PRKAR1A: variants seen among roughly 807,000 people sequenced by gnomAD.
PRKAR1A encodes cAMP-dependent protein kinase type I-alpha regulatory subunit.
Under a neutral mutation model 52.0 loss-of-function variants are expected in PRKAR1A, and 3 were observed. That is an observed-to-expected ratio of 0.06 (90% confidence interval 0.03 to 0.15). PRKAR1A has a LOEUF of 0.15. Among genes scored for constraint, PRKAR1A ranks in the 10% least tolerant of loss-of-function variants. The pLI is 1.00. For missense variants in PRKAR1A, 240 were observed against 477.4 expected (o/e 0.50, Z 4.63); for synonymous variants, 188 against 168.4 (o/e 1.12, Z -0.90).
the PRKAR1A span, among the ~76,000 whole-genome samples, chr17:68,504,591 GA>G: frequency 6.6e-6 from 1 of 152,168 alleles, no homozygotes; most frequent in Non-Finnish European, 1.5e-5. Flanking sequence ...GCCAAGCACA[GA>G]AAAACTTCAC....
chr17:68,550,389 T>C (rs943925631), intron 11 of PRKAR1A, among the ~76,000 whole-genome samples: 13 of 138,862 alleles, frequency 9.4e-5, no homozygotes, highest in Non-Finnish European at 1.8e-4. Context: ...TTTTTTTTTT[T>C]TTTTTTTAAG....
In PRKAR1A at chr17:68,532,329, A is replaced by G. The variant is rs2085999159; in HGVS notation, c.*1880A>G. ...TAAAATTGCAGTTTCATGTATGTAT[A>G]TAATCATGCTCATGTATATTTAGTT... On this transcript the variant is annotated 3_prime_UTR_variant, in exon 11 of 11. Coordinates refer to ENST00000589228, the MANE Select transcript of PRKAR1A (RefSeq NM_002734.5). The G allele has an allele frequency of 4.7e-6, 5 of 1,054,006 alleles. No homozygotes were observed. Among genetic ancestry groups the G allele is most frequent in the South Asian group, 4.6e-5 (1 of 21,698 alleles). The allele number at this position is 1,054,006 out of a possible 1,614,324, so 65.3% of individuals were successfully genotyped here. A position where few individuals can be genotyped will look rare whatever the true frequency, so the allele number is the denominator to read the frequency against.
rs2086010616 is a variant in PRKAR1A, at chr17:68,532,732, C to G, written c.*2283C>G. 1.9e-6 allele frequency: 2 copies of G among 1,065,968 alleles called. No individual in the cohort carries two copies. The highest frequency in any genetic ancestry group is 9.9e-5 in the East Asian group (2 of 20,104). The allele number at this position is 1,065,968 out of a possible 1,614,324, so 66.0% of individuals were successfully genotyped here. On this transcript the variant is annotated 3_prime_UTR_variant, in exon 11 of 11. Transcript: ENST00000589228. ...GTTATAGATTGTCTTAATGGTAGGT[C>G]AAGTAATAAAAAGAGATGAAATAAT... is the stretch of plus-strand genomic sequence containing the variant.
At chr17:68,457,612 T>C in the PRKAR1A span, 1 of 348,052 alleles carries the variant, frequency 2.9e-6, no homozygotes, top group Non-Finnish European at 4.5e-6. Context: ...GTCCCCGGCT[T>C]CGCCCCGCCC....
chr17:68,415,245 C>T, the PRKAR1A span, among the ~76,000 whole-genome samples: 5,230 of 152,138 alleles, frequency 0.034, 324 homozygotes, highest in African/African-American at 0.12. Flanking sequence ...GTTTGAAGAA[C>T]TTTTAAATTT....
chr17:68,537,167 C>T (rs1256837954), downstream of PRKAR1A: 2 of 551,706 alleles, frequency 3.6e-6, no homozygotes, highest in Non-Finnish European at 6.9e-6. The surrounding 1 kb of genome is among the most constrained non-coding windows in gnomAD (Gnocchi z 4.2). Context: ...TTAGTACTCT[C>T]CTGGGATCAA....
At chr17:68,424,673 T>A in the PRKAR1A span, 4 of 355,206 alleles carry the variant, frequency 1.1e-5, no homozygotes, top group Non-Finnish European at 2.2e-5. Flanking sequence ...GTCAGGAGTT[T>A]GAGACCAGCG....
chr17:68,413,722 G>A, the PRKAR1A span: 429 of 160,084 alleles, frequency 2.7e-3, no homozygotes, highest in African/African-American at 9.9e-3. Flanking sequence ...CCTCGCTGCC[G>A]CCTTGCAGTT....
upstream of PRKAR1A, among the ~76,000 whole-genome samples, chr17:68,511,067 A>G (rs2085257820): frequency 6.6e-6 from 1 of 152,214 alleles, no homozygotes; most frequent in Non-Finnish European, 1.5e-5. Context: ...TCTGGAATCA[A>G]TATAAACACT....
At chr17:68,445,881 G>A in the PRKAR1A span, among the ~76,000 whole-genome samples, 2 of 152,288 alleles carry the variant, frequency 1.3e-5, no homozygotes, top group East Asian at 3.9e-4. Context: ...GATGCCCAAG[G>A]AGCTGCCCAA....
chr17:68,444,572 T>C, the PRKAR1A span: 16 of 1,613,796 alleles, frequency 9.9e-6, no homozygotes, highest in Admixed American at 2.2e-4. Flanking sequence ...TGGACTCTTC[T>C]AGGCAAACCA....
chr17:68,475,621 G>A, the PRKAR1A span, among the ~76,000 whole-genome samples: 7 of 151,996 alleles, frequency 4.6e-5, no homozygotes, highest in Non-Finnish European at 8.8e-5. Context: ...GTGCCACCAC[G>A]CCTGGCTAAT....
chr17:68,438,745 C>T, the PRKAR1A span, among the ~76,000 whole-genome samples: 4 of 152,170 alleles, frequency 2.6e-5, no homozygotes, highest in African/African-American at 9.7e-5. Context: ...GGATTACAGG[C>T]GTGTGCCACC....
chr17:68,502,755 GAAA>G, the PRKAR1A span, among the ~76,000 whole-genome samples: 1 of 86,292 alleles, frequency 1.2e-5, no homozygotes, highest in Non-Finnish European at 2.3e-5. Flanking sequence ...TTCATCTCAG[GAAA>G]AAAAAAAAAA....
the PRKAR1A span, among the ~76,000 whole-genome samples, chr17:68,482,666 T>C: frequency 6.6e-6 from 1 of 152,204 alleles, no homozygotes; most frequent in African/African-American, 2.4e-5. Context: ...AACCAAATAT[T>C]GCCCGTACAA....
chr17:68,493,573 C>T, the PRKAR1A span: 1 of 150,282 alleles, frequency 6.7e-6, no homozygotes, highest in African/African-American at 2.4e-5. Context: ...TGCACTGATG[C>T]CAAAGATATT....
chr17:68,525,954 A>T, intron 7 of PRKAR1A, 42 bp downstream of exon 7: 3 of 1,601,768 alleles, frequency 1.9e-6, no homozygotes, highest in Non-Finnish European at 2.6e-6. Context: ...TAGAATTCTC[A>T]TCTACGTAAC....
At chr17:68,529,774 T>G in intron 9 of PRKAR1A, 146 bp from the exon 10 acceptor site, 3 of 798,962 alleles carry the variant, frequency 3.8e-6, no homozygotes, top group Non-Finnish European at 6.5e-6. Context: ...AAATAGAAAT[T>G]GAAGCTCATG....
chr17:68,514,521 A>T (rs1459237749), intron 1 of PRKAR1A, among the ~76,000 whole-genome samples: 1 of 152,226 alleles, frequency 6.6e-6, no homozygotes, highest in Non-Finnish European at 1.5e-5. Flanking sequence ...ACATAAAGGT[A>T]CCATAATTCG....
Sources: gnomAD v4.1 joint callset for allele counts (sites outside exome capture counted in the v4.1 genomes callset) on GRCh38, gnomAD v4.1.1 for gene constraint, Gnocchi (gnomAD v3.1) non-coding constraint, MANE v1.5 for transcripts, NCBI Gene and HGNC (gene_info 2026-07-23, HGNC 2026-07-21) for gene names.